ERC1: variants seen among roughly 807,000 people sequenced by gnomAD.
ERC1 encodes RAB6 interacting protein 2.
ERC1 carries 56 observed loss-of-function variants against 132.0 expected under a neutral mutation model. The observed-to-expected ratio is 0.42, with a 90% confidence interval of 0.34 to 0.53. ERC1 has a LOEUF of 0.53. Ranked by LOEUF, ERC1 falls within the 20% of genes least tolerant of loss-of-function variation. The probability of loss-of-function intolerance (pLI) is 0.03; values close to 1 mark genes in which losing one functional copy is unlikely to be tolerated. For missense variants in ERC1, 1,202 were observed against 1,349.9 expected, an observed-to-expected ratio of 0.89 and a Z score of 1.72; for synonymous variants, 478 against 476.1, an observed-to-expected ratio of 1.00 and a Z score of -0.05.
In ERC1 at chr12:1,048,308, G is replaced by A. The variant is rs566731628; in HGVS notation, c.669+19736G>A. ...TTTGAAACCTATCGTTCATTACAAG[G>A]GTTAAAATCTAAAATGTGACTGTGC... On this transcript the variant is annotated intron_variant, in intron 2 of 18. Transcript: ENST00000360905. 5.3e-5 allele frequency among the ~76,000 whole-genome samples: 8 copies of A among 152,250 alleles called. No homozygotes were observed. In the South Asian group the frequency reaches 1.7e-3, roughly 32 times the overall value.
intron 12 of ERC1, among the ~76,000 whole-genome samples, chr12:1,233,597 A>G (rs1342538106): frequency 6.6e-6 from 1 of 152,136 alleles, no homozygotes; most frequent in African/African-American, 2.4e-5. Flanking sequence ...AAAATTGAAT[A>G]TATTCAAGTC....
chr12:998,755 G>A (rs1025533008), intron 1 of ERC1, among the ~76,000 whole-genome samples: 4 of 151,980 alleles, frequency 2.6e-5, no homozygotes, highest in Non-Finnish European at 5.9e-5. Flanking sequence ...TTGACAGAGC[G>A]GATACCCCTC....
At chr12:1,022,081 A>T (rs1421567930) in intron 1 of ERC1, among the ~76,000 whole-genome samples, 2 of 152,198 alleles carry the variant, frequency 1.3e-5, no homozygotes, top group Non-Finnish European at 2.9e-5. Context: ...TATTTTAGAG[A>T]TCCTATCTCT....
At chr12:1,187,658 C>A (rs931507338) in intron 11 of ERC1, among the ~76,000 whole-genome samples, 1 of 152,122 alleles carries the variant, frequency 6.6e-6, no homozygotes, top group South Asian at 2.1e-4. Flanking sequence ...AATCATTTTT[C>A]TTTTCCTACC....
chr12:1,434,272 G>C (rs1203966250), intron 17 of ERC1, among the ~76,000 whole-genome samples: 2 of 152,110 alleles, frequency 1.3e-5, no homozygotes, highest in African/African-American at 4.8e-5. Context: ...TAGCTTTTTT[G>C]TGAGTACTAA....
intron 16 of ERC1, among the ~76,000 whole-genome samples, chr12:1,407,503 A>G (rs1182796494): frequency 1.3e-5 from 2 of 150,104 alleles, no homozygotes; most frequent in Admixed American, 1.3e-4. Context: ...CCTGGGCAAC[A>G]TAGTGAGACC....
intron 15 of ERC1, among the ~76,000 whole-genome samples, chr12:1,320,139 G>T (rs2082014532): frequency 6.6e-6 from 1 of 152,142 alleles, no homozygotes; most frequent in South Asian, 2.1e-4. Flanking sequence ...GTTATTTCCA[G>T]TTGTGTAATA....
intron 8 of ERC1, among the ~76,000 whole-genome samples, chr12:1,180,282 TGCGCGCACGC>T (rs147003275): frequency 0.018 from 2,622 of 144,132 alleles, 79 homozygotes; most frequent in African/African-American, 0.063. Flanking sequence ...TGTGTGTGTG[TGCGCGCACGC>T]GTGTGCGCGC....
intron 15 of ERC1, among the ~76,000 whole-genome samples, chr12:1,334,647 T>C (rs938086166): frequency 2.6e-5 from 4 of 152,220 alleles, no homozygotes; most frequent in African/African-American, 9.7e-5. Context: ...TGTAGTATAG[T>C]TTGAAGTCAG....
intron 15 of ERC1, among the ~76,000 whole-genome samples, chr12:1,356,056 T>G (rs910409575): frequency 2.0e-5 from 3 of 151,962 alleles, no homozygotes; most frequent in Admixed American, 1.3e-4. Flanking sequence ...CACAAAAAAT[T>G]AGCCAGGCCT....
chr12:1,334,152 G>A (rs1201795195), intron 15 of ERC1, among the ~76,000 whole-genome samples: 1 of 152,002 alleles, frequency 6.6e-6, no homozygotes, highest in African/African-American at 2.4e-5. Context: ...TTTGTCACAT[G>A]CATACCTTGC....
chr12:1,314,593 ACCC>A (rs2081557787), intron 15 of ERC1, among the ~76,000 whole-genome samples: 1 of 152,168 alleles, frequency 6.6e-6, no homozygotes, highest in African/African-American at 2.4e-5. Context: ...ACAATGATTG[ACCC>A]TGGTAAATTG....
chr12:1,218,827 T>TAG (rs1238499466), intron 12 of ERC1, among the ~76,000 whole-genome samples: 8 of 136,852 alleles, frequency 5.8e-5, no homozygotes, highest in African/African-American at 2.3e-4. Context: ...CTCATATATA[T>TAG]ATATATACAC....
intron 1 of ERC1, among the ~76,000 whole-genome samples, chr12:1,007,540 C>CTCTCTCTCTCTCTGTG (rs1555194875): frequency 2.9e-4 from 36 of 122,780 alleles, no homozygotes; most frequent in African/African-American, 9.1e-4. Flanking sequence ...CTCTCTCTCT[C>CTCTCTCTCTCTCTGTG]TGTGTGTGTG....
chr12:1,365,555 T>G (rs2086581665), intron 15 of ERC1, among the ~76,000 whole-genome samples: 1 of 152,218 alleles, frequency 6.6e-6, no homozygotes. Flanking sequence ...GGAGTTTGTA[T>G]TCCAACTATT....
At chr12:1,136,378 C>G (rs1949253654) in intron 7 of ERC1, among the ~76,000 whole-genome samples, 1 of 152,192 alleles carries the variant, frequency 6.6e-6, no homozygotes, top group Non-Finnish European at 1.5e-5. Flanking sequence ...GAGGTATCTC[C>G]AAGCAATCTG....
rs569254938 is a variant in ERC1 at position 1,342,340 on chromosome 12, G to A, written c.2781-29493G>A. ...AAATTAGCTGGGCATGGTGGCACAC[G>A]CCTGTAATCCCAGCTACTTGGGAAA... On this transcript the variant is annotated intron_variant, in intron 15 of 18. Coordinates refer to ENST00000360905, the MANE Select transcript of ERC1 (RefSeq NM_178040.4). Among the ~76,000 whole-genome samples the A allele has an allele frequency of 2.8e-4, 42 of 152,004 alleles. No individual in the cohort carries two copies. The South Asian group carries it at 5.4e-3, about 20-fold the overall frequency.
chr12:1,324,689 G>A (rs562929494), intron 15 of ERC1, among the ~76,000 whole-genome samples: 2 of 152,138 alleles, frequency 1.3e-5, no homozygotes, highest in Admixed American at 6.5e-5. Flanking sequence ...TGCTACTCCT[G>A]TTTATTTGAT....
intron 17 of ERC1, among the ~76,000 whole-genome samples, chr12:1,441,260 C>CGTAT (rs759116067): frequency 2.0e-5 from 3 of 150,752 alleles, no homozygotes; most frequent in Non-Finnish European, 4.4e-5. Flanking sequence ...GGGGTTTCAC[C>CGTAT]GTATTGGCCA....
Sources: allele counts gnomAD v4.1 joint callset (sites outside exome capture counted in the v4.1 genomes callset), GRCh38; gene constraint gnomAD v4.1.1; transcripts MANE v1.5; gene names NCBI Gene and HGNC (gene_info 2026-07-23, HGNC 2026-07-21).